Variants in GNAL observed in about 807,000 individuals in gnomAD.
GNAL encodes G protein subunit alpha L, also known as guanine nucleotide-binding protein G(olf) subunit alpha.
GNAL carries 18 observed loss-of-function variants against 55.1 expected under a neutral mutation model. That is an observed-to-expected ratio of 0.33 (90% confidence interval 0.23 to 0.48). The LOEUF is 0.48. Among genes scored for constraint, GNAL ranks in the 20% least tolerant of loss-of-function variants. GNAL has a pLI of 0.99. For synonymous variants in GNAL, 253 were observed against 237.0 expected, an observed-to-expected ratio of 1.07 and a Z score of -0.62; for missense variants, 412 against 614.1, an observed-to-expected ratio of 0.67 and a Z score of 3.48.
intron 4 of GNAL, among the ~76,000 whole-genome samples, chr18:11,756,567 T>A (rs1487520997): frequency 6.6e-6 from 1 of 151,852 alleles, no homozygotes; most frequent in Non-Finnish European, 1.5e-5. Context: ...CCCCGACTTA[T>A]GACTTATATA....
At chr18:11,862,549 T>A (rs1598436511) in intron 6 of GNAL, 100 bp downstream of exon 6, 1 of 1,039,304 alleles carries the variant, frequency 9.6e-7, no homozygotes, top group East Asian at 2.5e-5. Flanking sequence ...GAAAAATCCT[T>A]AAGATACCTA....
chr18:11,738,183 G>A (rs571435176), intron 1 of GNAL, among the ~76,000 whole-genome samples: 8 of 152,206 alleles, frequency 5.3e-5, no homozygotes, highest in South Asian at 2.1e-4. Context: ...TCTGGCTGCC[G>A]GGCTCCCAAC....
chr18:11,804,962 A>G (rs1235385575), intron 4 of GNAL, among the ~76,000 whole-genome samples: 1 of 141,718 alleles, frequency 7.1e-6, no homozygotes, highest in Non-Finnish European at 1.5e-5. Context: ...GTACAGGTGC[A>G]GTTTGAGTGG....
chr18:11,696,336 A>G (rs1490100229), intron 1 of GNAL, among the ~76,000 whole-genome samples: 1 of 130,446 alleles, frequency 7.7e-6, no homozygotes, highest in Non-Finnish European at 1.5e-5. Flanking sequence ...CCCCGTCTCT[A>G]CTAAAAATAC....
At chr18:11,774,841 T>C (rs1056546095) in intron 4 of GNAL, among the ~76,000 whole-genome samples, 1 of 152,204 alleles carries the variant, frequency 6.6e-6, no homozygotes, top group Admixed American at 6.5e-5. Flanking sequence ...TTGATTTTTG[T>C]TTGCAGAGTT....
At chr18:11,733,032 G>T (rs998815382) in intron 1 of GNAL, among the ~76,000 whole-genome samples, 4 of 152,252 alleles carry the variant, frequency 2.6e-5, no homozygotes, top group African/African-American at 9.6e-5. Flanking sequence ...AATAAAACTT[G>T]CTTGGAAGGA....
At chr18:11,747,647 T>TAGGGGTACTGGGGATGGAA (rs1300569798) in intron 1 of GNAL, 1 of 142,838 alleles carries the variant, frequency 7.0e-6, no homozygotes, top group South Asian at 2.2e-4. Flanking sequence ...TGGGGATGGA[T>TAGGGGTACTGGGGATGGAA]AGGGGGGCAA....
chr18:11,885,623 G>A lies in GNAL; in HGVS notation c.*4488G>A. 2 of 1,578,252 alleles carry A rather than the reference G, an allele frequency of 1.3e-6. No homozygotes were observed. The highest frequency in any genetic ancestry group is 1.7e-6 in the Non-Finnish European group (2 of 1,155,600). Reference sequence around the variant, plus strand: ...CAGCAATTAAATAGTTGATTACTGTGTTGATTTAAATACTTATGAAAGCTT... The same window carrying A: ...CAGCAATTAAATAGTTGATTACTGTATTGATTTAAATACTTATGAAAGCTT... On this transcript the variant is annotated 3_prime_UTR_variant, in exon 12 of 12. Coordinates refer to ENST00000334049, the MANE Select transcript of GNAL (RefSeq NM_182978.4).
chr18:11,852,177 G>A (rs1249262421), intron 5 of GNAL: 3 of 1,480,592 alleles, frequency 2.0e-6, no homozygotes, highest in Admixed American at 4.9e-5. Context: ...GTGTGTTAGA[G>A]AGATACTATA....
chr18:11,725,438 A>G (rs2032190897), intron 1 of GNAL, among the ~76,000 whole-genome samples: 1 of 152,188 alleles, frequency 6.6e-6, no homozygotes, highest in Non-Finnish European at 1.5e-5. Flanking sequence ...ATTGTGAGAA[A>G]ATAAATTTCT....
At chr18:11,717,060 A>G (rs2031985909) in intron 1 of GNAL, among the ~76,000 whole-genome samples, 1 of 152,210 alleles carries the variant, frequency 6.6e-6, no homozygotes, top group Non-Finnish European at 1.5e-5. Flanking sequence ...AGGCTCACGC[A>G]TGGCGGGCTG....
In GNAL at chr18:11,689,483, G is replaced by C. The variant is rs1189718926; in HGVS notation, c.-81G>C. 2 of 626,520 alleles carry C rather than the reference G, an allele frequency of 3.2e-6. No individual in the cohort carries two copies. The highest frequency in any genetic ancestry group is 3.8e-5 in the African/African-American group (2 of 52,262). The allele number at this position is 626,520 out of a possible 1,614,324, so 38.8% of individuals were successfully genotyped here. A position where few individuals can be genotyped will look rare whatever the true frequency, so the allele number is the denominator to read the frequency against. On this transcript the variant is annotated 5_prime_UTR_variant, in exon 1 of 12. An upstream open reading frame in the 5' UTR loses its in-frame stop. Coordinates refer to ENST00000334049, the MANE Select transcript of GNAL (RefSeq NM_182978.4). ...CGCCCCTCCGCTGAGGCGCCGGCCTGAACTGGGCGCGGGAACCAGGCCGCC... is the reference window on the plus strand; with the variant it reads ...CGCCCCTCCGCTGAGGCGCCGGCCTCAACTGGGCGCGGGAACCAGGCCGCC...
intron 7 of GNAL, among the ~76,000 whole-genome samples, chr18:11,865,713 C>CCA (rs2036248003): frequency 6.9e-6 from 1 of 144,596 alleles, no homozygotes; most frequent in Admixed American, 6.8e-5. Context: ...CATGATTAGG[C>CCA]CATTTCACTC....
intron 11 of GNAL, among the ~76,000 whole-genome samples, chr18:11,878,500 C>T (rs985412085): frequency 1.3e-5 from 2 of 152,180 alleles, no homozygotes; most frequent in Non-Finnish European, 2.9e-5. Context: ...TTTGTAATGA[C>T]TCCATTCCCT....
intron 5 of GNAL, among the ~76,000 whole-genome samples, chr18:11,855,114 GT>G (rs200529045): frequency 0.021 from 3,250 of 152,080 alleles, 120 homozygotes; most frequent in African/African-American, 0.074. Flanking sequence ...TGTTGTTGTT[GT>G]TTTAGTAGAG....
At chr18:11,772,448 C>T (rs867227308) in intron 4 of GNAL, among the ~76,000 whole-genome samples, 1 of 152,324 alleles carries the variant, frequency 6.6e-6, no homozygotes, top group Middle Eastern at 3.4e-3. Context: ...CCCCCAGTGC[C>T]GTCCTGTTCC....
intron 4 of GNAL, among the ~76,000 whole-genome samples, chr18:11,782,943 A>G (rs575995253): frequency 1.7e-4 from 26 of 152,348 alleles, no homozygotes; most frequent in East Asian, 7.7e-4. Flanking sequence ...ATAGGTGACA[A>G]TGCTTCAAGA....
intron 7 of GNAL, 129 bp from the exon 8 acceptor site, chr18:11,867,039 T>G (rs1397989360): frequency 1.4e-6 from 1 of 730,394 alleles, no homozygotes; most frequent in Non-Finnish European, 2.5e-6. Flanking sequence ...TGCAGGCCAG[T>G]GACCCGAGCT....
At chr18:11,714,117 C>T (rs2031899411) in intron 1 of GNAL, among the ~76,000 whole-genome samples, 1 of 152,226 alleles carries the variant, frequency 6.6e-6, no homozygotes, top group South Asian at 2.1e-4. Context: ...GTCTCTCCCA[C>T]CCTTCCTATA....
Sources: gnomAD v4.1 joint callset for allele counts (sites outside exome capture counted in the v4.1 genomes callset) on GRCh38, gnomAD v4.1.1 for gene constraint, MANE v1.5 for transcripts, NCBI Gene and HGNC (gene_info 2026-07-23, HGNC 2026-07-21) for gene names.